TRIO: variants seen among roughly 807,000 people sequenced by gnomAD.
TRIO encodes the protein trio Rho guanine nucleotide exchange factor, also known as triple functional domain protein.
Under a neutral mutation model 351.9 loss-of-function variants are expected in TRIO, and 58 were observed. The ratio of observed to expected loss-of-function variants is 0.16; its 90% CI spans 0.13 to 0.21. TRIO has a LOEUF of 0.21. TRIO is among the 10% of genes least tolerant of loss of function. The probability of loss-of-function intolerance (pLI) is 1.00; values close to 1 mark genes in which losing one functional copy is unlikely to be tolerated. For missense variants in TRIO, 3,201 were observed against 4,027.8 expected, an observed-to-expected ratio of 0.79 and a Z score of 5.56; for synonymous variants, 1,758 against 1,595.7, an observed-to-expected ratio of 1.10 and a Z score of -2.42.
chr5:14,498,579 C>T lies in TRIO; in HGVS notation c.8271C>T (p.Tyr2757=). 1.9e-6 allele frequency: 3 copies of T among 1,614,246 alleles called. No individual in the cohort carries two copies. The highest frequency in any genetic ancestry group is 2.5e-6 in the Non-Finnish European group (3 of 1,180,032). The part of the protein sequence containing the change: ...VGVTTEDDGI[Y]TCIAVNDMGS... The stretch of plus-strand genomic sequence containing the variant: ...TGACCACGGAAGATGACGGCATCTA[C>T]ACGTGCATCGCTGTCAATGACATGG... The change falls in exon 53 of 57, where the codon TAC becomes TAT. Residue 2757 remains tyrosine, a synonymous_variant. Coordinates refer to ENST00000344204, the MANE Select transcript of TRIO (RefSeq NM_007118.4).
At chr5:14,217,766 G>T (rs1262035491) in intron 1 of TRIO, among the ~76,000 whole-genome samples, 3 of 152,166 alleles carry the variant, frequency 2.0e-5, no homozygotes, top group African/African-American at 4.8e-5. Flanking sequence ...CGGTGTCAGG[G>T]CCTCTGGTGT....
intron 1 of TRIO, among the ~76,000 whole-genome samples, chr5:14,215,885 G>T (rs1251729135): frequency 1.1e-4 from 17 of 152,184 alleles, no homozygotes; most frequent in Admixed American, 1.1e-3. Flanking sequence ...TGTTGATTTG[G>T]TTATTTTAAA....
chr5:14,311,044 C>T (rs1738881673), intron 8 of TRIO, among the ~76,000 whole-genome samples: 1 of 152,202 alleles, frequency 6.6e-6, no homozygotes, highest in African/African-American at 2.4e-5. Flanking sequence ...GCTGTAGCGA[C>T]ATGCAGTGCT....
intron 20 of TRIO, among the ~76,000 whole-genome samples, chr5:14,378,356 C>T (rs1745750828): frequency 6.6e-6 from 1 of 152,186 alleles, no homozygotes; most frequent in African/African-American, 2.4e-5. Context: ...ACTGTCTTTA[C>T]CTCATCTCTA....
At chr5:14,192,428 A>T (rs1043866426) in intron 1 of TRIO, among the ~76,000 whole-genome samples, 1 of 151,962 alleles carries the variant, frequency 6.6e-6, no homozygotes, top group Non-Finnish European at 1.5e-5. Flanking sequence ...TAGTGGATGC[A>T]CGCCCAGGTA....
chr5:14,391,355 T>G (rs1041554215), intron 27 of TRIO, among the ~76,000 whole-genome samples: 3 of 152,368 alleles, frequency 2.0e-5, no homozygotes, highest in East Asian at 1.9e-4. Context: ...CTATTAAGCT[T>G]CTTTTCCCCC....
chr5:14,281,890 GGGTTGT>G (rs1409569669), intron 3 of TRIO, among the ~76,000 whole-genome samples: 3 of 152,142 alleles, frequency 2.0e-5, no homozygotes, highest in Non-Finnish European at 4.4e-5. Flanking sequence ...TGGGTTTCAG[GGGTTGT>G]GGTAAAGGTA....
intron 1 of TRIO, among the ~76,000 whole-genome samples, chr5:14,168,368 A>C (rs1788899369): frequency 6.6e-6 from 1 of 152,262 alleles, no homozygotes; most frequent in Non-Finnish European, 1.5e-5. Flanking sequence ...GGGAGGTCCC[A>C]CGTAGGTGAA....
chr5:14,318,454 C>CAAA lies in TRIO; in HGVS notation c.1731+1726_1731+1728dup, dbSNP rs35221462. 3.5e-4 allele frequency among the ~76,000 whole-genome samples: 41 copies of CAAA among 115,506 alleles called. 1 individual carries two copies. Among genetic ancestry groups the CAAA allele is most frequent in the African/African-American group, 1.3e-3 (39 of 30,662 alleles). 75.8% of individuals were successfully genotyped at this position (115,506 alleles called of 152,430 possible). On this transcript the variant is annotated intron_variant, in intron 9 of 56. Coordinates refer to ENST00000344204, the MANE Select transcript of TRIO (RefSeq NM_007118.4). ...TGGGTGACAGAGCAAGACTCCATCT[C>CAAA]AAAAAAAAAAAAAAAAAGACTGAAT...
intron 2 of TRIO, among the ~76,000 whole-genome samples, chr5:14,279,826 G>A (rs1323218526): frequency 6.6e-6 from 1 of 152,210 alleles, no homozygotes. Flanking sequence ...GGTGCCATCC[G>A]TCGCAGATTA....
At chr5:14,181,082 A>G (rs1278945556) in intron 1 of TRIO, among the ~76,000 whole-genome samples, 1 of 74,414 alleles carries the variant, frequency 1.3e-5, no homozygotes, top group Non-Finnish European at 2.6e-5. Context: ...ATGGAATACT[A>G]CAATGTATTT....
intron 1 of TRIO, among the ~76,000 whole-genome samples, chr5:14,187,275 GC>G (rs890212237): frequency 3.9e-5 from 6 of 152,184 alleles, no homozygotes; most frequent in African/African-American, 1.4e-4. Context: ...CAGATCTAAT[GC>G]CCAGCCAACA....
At chr5:14,195,770 T>C (rs990281234) in intron 1 of TRIO, among the ~76,000 whole-genome samples, 3 of 152,226 alleles carry the variant, frequency 2.0e-5, no homozygotes, top group Non-Finnish European at 4.4e-5. Context: ...GATCTGTTAT[T>C]ATCATGATTG....
At chr5:14,422,181 G>T (rs1310529014) in intron 34 of TRIO, among the ~76,000 whole-genome samples, 2 of 151,452 alleles carry the variant, frequency 1.3e-5, no homozygotes, top group South Asian at 4.1e-4. Context: ...TCTGGCAGCT[G>T]GGTAAGACCC....
chr5:14,311,789 G>A (rs556505349), intron 8 of TRIO, among the ~76,000 whole-genome samples: 90 of 152,258 alleles, frequency 5.9e-4, no homozygotes, highest in Non-Finnish European at 7.5e-4. Context: ...GAATTAAGAC[G>A]GTGTTGGCTT....
At chr5:14,406,506 T>C in intron 32 of TRIO, 67 bp from the exon 33 acceptor site, 2 of 1,487,640 alleles carry the variant, frequency 1.3e-6, no homozygotes, top group African/African-American at 1.4e-5. Flanking sequence ...ATTAAACAAA[T>C]CAGTTGCTTC....
chr5:14,429,154 A>G (rs1750891125), intron 34 of TRIO, among the ~76,000 whole-genome samples: 1 of 152,216 alleles, frequency 6.6e-6, no homozygotes, highest in African/African-American at 2.4e-5. Flanking sequence ...TGTCTTGAAA[A>G]TGAGTAAGTG....
At chr5:14,441,697 C>T (rs1752062028) in intron 34 of TRIO, among the ~76,000 whole-genome samples, 1 of 152,074 alleles carries the variant, frequency 6.6e-6, no homozygotes, top group African/African-American at 2.4e-5. Flanking sequence ...CTACAAATTG[C>T]CTTATGATTT....
At chr5:14,178,987 CG>C (rs1789581611) in intron 1 of TRIO, among the ~76,000 whole-genome samples, 1 of 152,210 alleles carries the variant, frequency 6.6e-6, no homozygotes, top group African/African-American at 2.4e-5. Context: ...ACCTGGCTTG[CG>C]TCCTACCCTT....
Sources: allele counts gnomAD v4.1 joint callset (sites outside exome capture counted in the v4.1 genomes callset), GRCh38; gene constraint gnomAD v4.1.1; transcripts MANE v1.5; gene names NCBI Gene and HGNC (gene_info 2026-07-23, HGNC 2026-07-21).